SLC2A3: variants seen among roughly 807,000 people sequenced by gnomAD.
SLC2A3 encodes solute carrier family 2 member 3.
Under a neutral mutation model 46.4 loss-of-function variants are expected in SLC2A3, and 21 were observed. That is an observed-to-expected ratio of 0.45 (90% CI 0.32 to 0.65). The LOEUF (loss-of-function observed/expected upper bound fraction) is 0.65, where lower values mean the gene tolerates loss of function less well. SLC2A3 is among the 30% of genes least tolerant of loss of function. SLC2A3 has a pLI of 0.04. For synonymous variants in SLC2A3, 213 were observed against 239.4 expected, an observed-to-expected ratio of 0.89 and a Z score of 1.02; for missense variants, 499 against 623.3, an observed-to-expected ratio of 0.80 and a Z score of 2.12.
At chr12:7,922,480 G>T (rs184636378) in intron 9 of SLC2A3, among the ~76,000 whole-genome samples, 306 of 152,150 alleles carry the variant, frequency 2.0e-3, no homozygotes, top group Admixed American at 3.9e-3. Flanking sequence ...ATTTATTTAG[G>T]GATGGAGTCT....
intron 2 of SLC2A3, chr12:7,933,520 G>C: frequency 2.1e-6 from 1 of 469,666 alleles, no homozygotes; most frequent in South Asian, 2.8e-5. Context: ...TCGATTAGAT[G>C]ACCCCACTAA....
rs1271381733 is a variant in SLC2A3, at chr12:7,920,437, CA to C, written c.*975del. 1 of 152,022 alleles carries C rather than the reference CA, an allele frequency of 6.6e-6. No homozygotes were observed. Among genetic ancestry groups the C allele is most frequent in the East Asian group, 1.9e-4 (1 of 5,204 alleles). The allele number at this position is 152,022 out of a possible 1,614,324, so 9.4% of individuals were successfully genotyped here. A position where few individuals can be genotyped will look rare whatever the true frequency, so the allele number is the denominator to read the frequency against. ...CACTTTCTCTTCCCTGGACTCCATCCAAAATTAGAACCCATCAACCATCATT... is the reference window on the plus strand; with the variant it reads ...CACTTTCTCTTCCCTGGACTCCATCCAAATTAGAACCCATCAACCATCATT... On this transcript the variant is annotated 3_prime_UTR_variant, in exon 10 of 10. Transcript: ENST00000075120.
At chr12:7,931,205 T>C in intron 4 of SLC2A3, 40 bp downstream of exon 4, 1 of 1,609,120 alleles carries the variant, frequency 6.2e-7, no homozygotes. Context: ...TAATGACCCA[T>C]GAAACTAACA....
Position 7,931,464 on chromosome 12 carries a change from G to A in SLC2A3, c.291C>T (p.Val97=), listed in dbSNP as rs773614180. The A allele has an allele frequency of 1.2e-6, 2 of 1,614,190 alleles. No homozygotes were observed. Among genetic ancestry groups the A allele is most frequent in the Admixed American group, 3.3e-5 (2 of 60,018 alleles). The change falls in exon 4 of 10, where the codon GTC becomes GTT. Residue 97 remains valine (V), a synonymous_variant. Transcript: ENST00000075120. ...RFGRRNSMLI[V]NLLAVTGGCF... ...AGCCACCAGTGACAGCCAACAGGTTGACAATCAGCATTGAATTGCGCCTGT... is the reference window on the plus strand; with the variant it reads ...AGCCACCAGTGACAGCCAACAGGTTAACAATCAGCATTGAATTGCGCCTGT...
Position 7,920,575 on chromosome 12 carries a change from T to C in SLC2A3, c.*838A>G, listed in dbSNP as rs1390496335. ...GAAATCAGTAGCTTTATTATATAGG[T>C]ATATGACTTTTACGAGAAGTTAAAG... On this transcript the variant is annotated 3_prime_UTR_variant, in exon 10 of 10. Transcript: ENST00000075120. 2 of 151,920 alleles carry C rather than the reference T, an allele frequency of 1.3e-5. No homozygotes were observed. The highest frequency in any genetic ancestry group is 1.3e-4 in the Admixed American group (2 of 15,248). The allele number at this position is 151,920 out of a possible 1,614,324, so 9.4% of individuals were successfully genotyped here. A position where few individuals can be genotyped will look rare whatever the true frequency, so the allele number is the denominator to read the frequency against.
chr12:7,922,684 T>TC, intron 9 of SLC2A3, 137 bp downstream of exon 9: 1 of 1,251,318 alleles, frequency 8.0e-7, no homozygotes, highest in Non-Finnish European at 1.1e-6. Context: ...CCTCAGGTGA[T>TC]CCACCCGCCT....
At position 7,925,880 on chromosome 12, in the gene SLC2A3, G is replaced by A. The variant is rs139320842; in HGVS notation, c.930C>T (p.Gly310=). The A allele has an allele frequency of 1.7e-5, 28 of 1,613,608 alleles. No homozygotes were observed. In the East Asian group the frequency reaches 1.8e-4, roughly 10 times the overall value. The change falls in exon 7 of 10, where the codon GGC becomes GGT. Residue 310 remains glycine (G), a synonymous_variant. Transcript: ENST00000075120. The part of the protein sequence containing the change: ...GVQEPIYATI[G]AGVVNTIFTV... ...TGAAGATAGTATTAACCACACCCGC[G>A]CCGATGGTGGCATAGATGGGCTCTT...
intron 5 of SLC2A3, 58 bp downstream of exon 5, chr12:7,930,422 A>C: frequency 6.6e-7 from 1 of 1,518,554 alleles, no homozygotes; most frequent in Non-Finnish European, 9.1e-7. Flanking sequence ...CAGTACAATC[A>C]TCCCTAAAAC....
chr12:7,922,621 C>T (rs1946049794), intron 9 of SLC2A3, among the ~76,000 whole-genome samples, 200 bp downstream of exon 9: 1 of 151,852 alleles, frequency 6.6e-6, no homozygotes, highest in Non-Finnish European at 1.5e-5. Flanking sequence ...ACCACCATGC[C>T]CAGCTAATTT....
intron 9 of SLC2A3, 75 bp downstream of exon 9, chr12:7,922,746 G>A (rs1180950119): frequency 5.0e-6 from 8 of 1,587,912 alleles, no homozygotes; most frequent in African/African-American, 1.3e-5. Flanking sequence ...GCCAGGCCCA[G>A]ACTACTGTAT....
intron 3 of SLC2A3, 53 bp from the exon 4 acceptor site, chr12:7,931,538 C>T: frequency 6.2e-7 from 1 of 1,609,682 alleles, no homozygotes; most frequent in East Asian, 2.2e-5. Context: ...AGGCTCCTAA[C>T]TTCTCCTCTG....
rs1376327896 is a variant in SLC2A3, at chr12:7,933,164, TTGG to T, written c.109-20_109-18del. The T allele has an allele frequency of 3.1e-6, 5 of 1,613,152 alleles. No homozygotes were observed. Among genetic ancestry groups the T allele is most frequent in the East Asian group, 4.5e-5 (2 of 44,868 alleles). ...CTTTATGATCTGCAAAATAAAAGGG[TTGG>T]TGGAAGAACAGACTGTTACAGTTGG... is the stretch of plus-strand genomic sequence containing the variant. On this transcript the variant is annotated intron_variant, in intron 2 of 9. Coordinates refer to ENST00000075120, the MANE Select transcript of SLC2A3 (RefSeq NM_006931.3).
Position 7,922,826 on chromosome 12 carries a change from C to T in SLC2A3, c.1267G>A (p.Ala423Thr), listed in dbSNP as rs201737691. Residue 423 changes from alanine to threonine, a missense_variant, in exon 9 of 10, where the codon GCT becomes ACT. Coordinates refer to ENST00000075120, the MANE Select transcript of SLC2A3 (RefSeq NM_006931.3). The stretch of plus-strand genomic sequence containing the variant: ...GATAAGGTGAGTTTACTTACAGCAG[C>T]GGAGGGGAAGAGCAATCCGACTAGG... ...NFLVGLLFPS[A>T]AHYLGAYVFI... The T allele has an allele frequency of 2.0e-5, 33 of 1,613,812 alleles. No individual in the cohort carries two copies. The highest frequency in any genetic ancestry group is 1.6e-4 in the Middle Eastern group (1 of 6,080).
At position 7,933,919 on chromosome 12, in the gene SLC2A3, CAG is replaced by C. The variant is rs774658669; in HGVS notation, c.16-19_16-18del. ...TGGGGTGACCTGGAGGGAGGGAAGA[CAG>C]AGGAGAGAATAGTCCTTAAAACTTG... On this transcript the variant is annotated intron_variant, in intron 1 of 9. Transcript: ENST00000075120. 236 of 1,608,388 alleles carry C rather than the reference CAG, an allele frequency of 1.5e-4. 2 individuals carry two copies. The highest frequency in any genetic ancestry group is 4.8e-4 in the Admixed American group (29 of 59,898).
rs753913910 is a variant in SLC2A3 at position 7,921,382 on chromosome 12, A to G, written c.*31T>C. 6.2e-7 allele frequency: 1 copy of G among 1,613,798 alleles called. No individual in the cohort carries two copies. Among genetic ancestry groups the G allele is most frequent in the Non-Finnish European group, 8.5e-7 (1 of 1,179,734 alleles). ...TTGTTGAGGGAGAGGTGGCTTTCCC[A>G]TGCCGGGAGGGAGGTGGAAGGAGGC... On this transcript the variant is annotated 3_prime_UTR_variant, in exon 10 of 10. Coordinates refer to ENST00000075120, the MANE Select transcript of SLC2A3 (RefSeq NM_006931.3).
chr12:7,931,843 G>T (rs947748657), intron 3 of SLC2A3, among the ~76,000 whole-genome samples: 1 of 150,752 alleles, frequency 6.6e-6, no homozygotes, highest in Non-Finnish European at 1.5e-5. Context: ...ATTTTTAAAT[G>T]TGAATTCCAA....
chr12:7,933,353 C>A (rs767744121), intron 2 of SLC2A3: 1 of 679,258 alleles, frequency 1.5e-6, no homozygotes, highest in African/African-American at 1.8e-5. Flanking sequence ...GTGGCAGCAC[C>A]GATGTTCACA....
chr12:7,930,409 G>T lies in SLC2A3; in HGVS notation c.673+71C>A, dbSNP rs1477493589. On this transcript the variant is annotated intron_variant, in intron 5 of 9. Coordinates refer to ENST00000075120, the MANE Select transcript of SLC2A3 (RefSeq NM_006931.3). ...AGGGAAAGAGTGTAACAGAAAGTAG[G>T]TCCAGTACAATCATCCCTAAAACAA... is the stretch of plus-strand genomic sequence containing the variant. 4.9e-6 allele frequency: 7 copies of T among 1,426,952 alleles called. No homozygotes were observed. The South Asian group carries it at 8.7e-5, about 18-fold the overall frequency. The allele number at this position is 1,426,952 out of a possible 1,614,324, so 88.4% of individuals were successfully genotyped here.
chr12:7,934,791 A>C (rs758254496), intron 1 of SLC2A3, among the ~76,000 whole-genome samples: 3 of 152,098 alleles, frequency 2.0e-5, no homozygotes, highest in Non-Finnish European at 4.4e-5. Flanking sequence ...CAGCAGGAGA[A>C]GTGACCTTGC....
Sources: gnomAD v4.1 joint callset for allele counts (sites outside exome capture counted in the v4.1 genomes callset) on GRCh38, gnomAD v4.1.1 for gene constraint, MANE v1.5 for transcripts, NCBI Gene and HGNC (gene_info 2026-07-23, HGNC 2026-07-21) for gene names.